C1QTNF3: variants seen among roughly 807,000 people sequenced by gnomAD.
C1QTNF3 encodes the protein C1q and TNF related 3.
C1QTNF3 carries 26 observed loss-of-function variants against 32.6 expected under a neutral mutation model. The observed-to-expected ratio is 0.80, with a 90% confidence interval of 0.58 to 1.11. C1QTNF3 has a LOEUF of 1.11. Among genes scored for constraint, C1QTNF3 ranks in the 50% least tolerant of loss-of-function variants. C1QTNF3 has a pLI of 0.00. For synonymous variants in C1QTNF3, 155 were observed against 146.0 expected, an observed-to-expected ratio of 1.06 and a Z score of -0.44; for missense variants, 362 against 398.2, an observed-to-expected ratio of 0.91 and a Z score of 0.77.
the C1QTNF3 span, chr5:34,200,849 T>G: frequency 6.6e-6 from 1 of 152,104 alleles, no homozygotes; most frequent in Non-Finnish European, 1.5e-5. Context: ...ATCTTTGGAT[T>G]GTTATTGCAA....
chr5:34,057,141 T>C, the C1QTNF3 span, among the ~76,000 whole-genome samples: 1 of 152,204 alleles, frequency 6.6e-6, no homozygotes, highest in Non-Finnish European at 1.5e-5. Context: ...AACCACCTGC[T>C]AATCACTTGA....
the C1QTNF3 span, among the ~76,000 whole-genome samples, chr5:34,077,546 T>A: frequency 6.6e-6 from 1 of 151,746 alleles, no homozygotes; most frequent in Non-Finnish European, 1.5e-5. Flanking sequence ...TTAAAAAAAA[T>A]CTTAAGTTTT....
intron 5 of C1QTNF3, among the ~76,000 whole-genome samples, chr5:34,021,258 A>C (rs1347891940): frequency 6.6e-6 from 1 of 152,216 alleles, no homozygotes; most frequent in African/African-American, 2.4e-5. Flanking sequence ...GGGGAAACAA[A>C]TATCATGGTC....
the C1QTNF3 span, among the ~76,000 whole-genome samples, chr5:34,161,241 T>C: frequency 1.3e-5 from 2 of 152,198 alleles, no homozygotes; most frequent in East Asian, 1.9e-4. Flanking sequence ...AACTGTGCAA[T>C]TGGCATTATG....
chr5:34,138,564 C>T, the C1QTNF3 span, among the ~76,000 whole-genome samples: 1 of 151,936 alleles, frequency 6.6e-6, no homozygotes, highest in Non-Finnish European at 1.5e-5. Context: ...TATATGACAT[C>T]ATTAATCTCT....
At chr5:34,203,412 G>A in the C1QTNF3 span, among the ~76,000 whole-genome samples, 2 of 152,198 alleles carry the variant, frequency 1.3e-5, no homozygotes, top group Non-Finnish European at 2.9e-5. Context: ...ATTGGGCCAG[G>A]TGCAGTTGCT....
At chr5:34,230,167 C>T in the C1QTNF3 span, among the ~76,000 whole-genome samples, 4 of 152,118 alleles carry the variant, frequency 2.6e-5, no homozygotes, top group African/African-American at 9.7e-5. Context: ...TCCAAGCTGC[C>T]CAAGACAGGG....
the C1QTNF3 span, among the ~76,000 whole-genome samples, chr5:34,049,784 C>G: frequency 6.6e-6 from 1 of 152,202 alleles, no homozygotes; most frequent in African/African-American, 2.4e-5. Flanking sequence ...TAAAGGCAGT[C>G]TGGAGGCAGA....
chr5:34,112,416 T>C, the C1QTNF3 span, among the ~76,000 whole-genome samples: 5 of 151,782 alleles, frequency 3.3e-5, no homozygotes, highest in African/African-American at 1.2e-4. Context: ...TCCCATCACA[T>C]TGGAAGGCTG....
chr5:34,127,827 G>A, the C1QTNF3 span, among the ~76,000 whole-genome samples: 1 of 151,436 alleles, frequency 6.6e-6, no homozygotes, highest in Non-Finnish European at 1.5e-5. Context: ...ATGTTTAAAA[G>A]GAAAGAAGAC....
the C1QTNF3 span, among the ~76,000 whole-genome samples, chr5:34,055,623 T>C: frequency 6.6e-6 from 1 of 152,200 alleles, no homozygotes; most frequent in Admixed American, 6.5e-5. Flanking sequence ...CAAATTTACA[T>C]TCCCTGGCTG....
the C1QTNF3 span, among the ~76,000 whole-genome samples, chr5:34,081,677 G>A: frequency 6.6e-6 from 1 of 151,240 alleles, no homozygotes; most frequent in African/African-American, 2.4e-5. Context: ...AAAAAACAGG[G>A]GAATTTAACT....
At chr5:34,110,517 T>C in the C1QTNF3 span, among the ~76,000 whole-genome samples, 4 of 150,700 alleles carry the variant, frequency 2.7e-5, no homozygotes, top group Non-Finnish European at 5.9e-5. Context: ...ATCACAAAAG[T>C]TTCCTACGTA....
chr5:34,135,382 T>C, the C1QTNF3 span, among the ~76,000 whole-genome samples: 89 of 150,498 alleles, frequency 5.9e-4, 1 homozygote, highest in Middle Eastern at 3.5e-3. Context: ...AATTCTCTTA[T>C]TTTTTTTTGC....
At chr5:34,239,041 C>T in the C1QTNF3 span, among the ~76,000 whole-genome samples, 1 of 152,114 alleles carries the variant, frequency 6.6e-6, no homozygotes. Flanking sequence ...TTTCACTAAA[C>T]TAAACTTCCT....
Position 34,043,067 on chromosome 5 carries a change from C to A in C1QTNF3, c.59G>T (p.Cys20Phe). The A allele has an allele frequency of 1.2e-6, 2 of 1,612,460 alleles. No homozygotes were observed. The change falls in exon 1 of 6, where the codon TGC becomes TTC. Residue 20 changes from cysteine (C) to phenylalanine (F), a missense_variant. By Grantham distance (205) the Cys-to-Phe change is radical (BLOSUM62 -2). Transcript: ENST00000382065. ...CTCCATGTATTCATCTTGACACAGG[C>A]AAAAAGGGAGGAAAAACAAAGCCAG... is the stretch of plus-strand genomic sequence containing the variant. The part of the protein sequence containing the change: ...QLLALFFLPF[C>F]LCQDEYMEVS...
At chr5:34,145,846 C>T in the C1QTNF3 span, among the ~76,000 whole-genome samples, 1 of 151,962 alleles carries the variant, frequency 6.6e-6, no homozygotes, top group Admixed American at 6.6e-5. Context: ...AAAGTTGTTT[C>T]AACCCGTACA....
the C1QTNF3 span, among the ~76,000 whole-genome samples, chr5:34,239,179 C>T: frequency 4.0e-4 from 61 of 152,148 alleles, 1 homozygote; most frequent in East Asian, 7.9e-3. Context: ...ACACCTGCTA[C>T]CACAAAAACC....
At chr5:34,023,856 T>C in intron 5 of C1QTNF3, 53 bp downstream of exon 5, 1 of 1,465,262 alleles carries the variant, frequency 6.8e-7, no homozygotes, top group Non-Finnish European at 9.6e-7. Context: ...TAGGCATTCC[T>C]TGAACAAACA....
Sources: gnomAD v4.1 joint callset for allele counts (sites outside exome capture counted in the v4.1 genomes callset) on GRCh38, gnomAD v4.1.1 for gene constraint, MANE v1.5 for transcripts, NCBI Gene and HGNC (gene_info 2026-07-23, HGNC 2026-07-21) for gene names.